RNF169: variants seen among roughly 807,000 people sequenced by gnomAD.
The protein encoded by RNF169 is ring finger protein 169, also known as E3 ubiquitin-protein ligase RNF169.
RNF169 carries 24 observed loss-of-function variants against 53.9 expected under a neutral mutation model. The ratio of observed to expected loss-of-function variants is 0.45; its 90% confidence interval spans 0.32 to 0.63. RNF169 has a LOEUF of 0.63. RNF169 is among the 20% of genes least tolerant of loss of function. The pLI is 0.04. For missense variants in RNF169, 883 were observed against 906.2 expected, an observed-to-expected ratio of 0.97 and a Z score of 0.33; for synonymous variants, 396 against 363.5, an observed-to-expected ratio of 1.09 and a Z score of -1.02.
At chr11:74,749,468 G>GC in intron 1 of RNF169, 86 bp downstream of exon 1, 1 of 1,090,842 alleles carries the variant, frequency 9.2e-7, no homozygotes, top group Non-Finnish European at 1.1e-6. Flanking sequence ...AGAGTCCCGG[G>GC]CCCTACTCGG....
chr11:74,754,139 C>T (rs898123529), intron 1 of RNF169, among the ~76,000 whole-genome samples: 2 of 152,152 alleles, frequency 1.3e-5, no homozygotes, highest in Non-Finnish European at 2.9e-5. Flanking sequence ...CTTTGGGAAA[C>T]ATTAGTGAAT....
At chr11:74,831,632 GACAA>G (rs1195018538) in intron 4 of RNF169, 7 of 147,622 alleles carry the variant, frequency 4.7e-5, no homozygotes, top group Non-Finnish European at 1.0e-4. Flanking sequence ...TGCAGAAATG[GACAA>G]ACATACCAAA....
intron 1 of RNF169, among the ~76,000 whole-genome samples, chr11:74,783,027 CAT>C (rs34895688): frequency 0.25 from 38,050 of 151,328 alleles, 5,677 homozygotes; most frequent in East Asian, 0.53. Flanking sequence ...CTGCTGCACT[CAT>C]AGAAAATGAA....
rs1242506274 is a variant in RNF169, at chr11:74,838,617, C to CTGTG, written c.*1894_*1897dup. 6.6e-6 allele frequency: 1 copy of CTGTG among 152,228 alleles called. No homozygotes were observed. The highest frequency in any genetic ancestry group is 2.4e-5 in the African/African-American group (1 of 41,458). 9.4% of individuals were successfully genotyped at this position (152,228 alleles called of 1,614,324 possible). On this transcript the variant is annotated 3_prime_UTR_variant, in exon 6 of 6. Transcript: ENST00000299563. ...CCTGAATGTATGCATTCTGTGTTCT[C>CTGTG]TGTGTGTGTGCACATATGCAGATGT...
In RNF169 at chr11:74,836,267, C is replaced by T. The variant is rs1210346212; in HGVS notation, c.1664C>T (p.Pro555Leu). Reference protein sequence around the residue: ...REQFEGLGSTPDAKLDKTCIS... With the variant: ...REQFEGLGSTLDAKLDKTCIS... ...CAGTTTGAGGGGTTAGGGTCAACTC[C>T]AGATGCCAAGTTAGACAAAACCTGT... is the stretch of plus-strand genomic sequence containing the variant. The change falls in exon 6 of 6, where the codon CCA (proline) becomes CTA (leucine). Residue 555 changes from proline (P) to leucine (L), a missense_variant. Around this residue, in one of 3 missense-constraint regions of RNF169, gnomAD observed 351 missense variants for 337.3 expected, o/e 1.04. Coordinates refer to ENST00000299563, the MANE Select transcript of RNF169 (RefSeq NM_001098638.2). 1 of 1,614,150 alleles carries T rather than the reference C, an allele frequency of 6.2e-7. No homozygotes were observed. Among genetic ancestry groups the T allele is most frequent in the South Asian group, 1.1e-5 (1 of 91,086 alleles).
chr11:74,808,552 C>T (rs1392975513), intron 2 of RNF169, among the ~76,000 whole-genome samples: 2 of 152,194 alleles, frequency 1.3e-5, no homozygotes, highest in East Asian at 1.9e-4. Flanking sequence ...ATTCCATCCC[C>T]ATGCCTATGG....
intron 1 of RNF169, among the ~76,000 whole-genome samples, chr11:74,780,323 A>G (rs540110728): frequency 4.6e-5 from 7 of 152,222 alleles, no homozygotes; most frequent in African/African-American, 1.4e-4. Context: ...CTCTTAATCT[A>G]TGGTGACTAC....
At position 74,749,292 on chromosome 11, in the gene RNF169, C is replaced by A; in HGVS notation, c.412C>A (p.Pro138Thr). The part of the protein sequence containing the change: ...VLGECARRSQ[P>T]ERCRPRRDGG... ...GGGCGAGTGCGCCCGCCGCAGCCAACCCGAGCGCTGCCGCCCGCGCCGGGA... is the reference window on the plus strand; with the variant it reads ...GGGCGAGTGCGCCCGCCGCAGCCAAACCGAGCGCTGCCGCCCGCGCCGGGA... Residue 138 changes from proline (P) to threonine (T), a missense_variant, in exon 1 of 6, where the codon CCC becomes ACC. Pro to Thr is a conservative substitution (Grantham distance 38). Coordinates refer to ENST00000299563, the MANE Select transcript of RNF169 (RefSeq NM_001098638.2). 8.6e-7 allele frequency: 1 copy of A among 1,168,414 alleles called. No homozygotes were observed. Among genetic ancestry groups the A allele is most frequent in the Non-Finnish European group, 1.1e-6 (1 of 948,646 alleles). The allele number at this position is 1,168,414 out of a possible 1,614,324, so 72.4% of individuals were successfully genotyped here. A position where few individuals can be genotyped will look rare whatever the true frequency, so the allele number is the denominator to read the frequency against.
chr11:74,835,005 CAG>C (rs1259237572), intron 5 of RNF169, among the ~76,000 whole-genome samples: 1 of 151,906 alleles, frequency 6.6e-6, no homozygotes, highest in Non-Finnish European at 1.5e-5. Flanking sequence ...TTTTAAGAGA[CAG>C]AGTCTCACTC....
At position 74,766,141 on chromosome 11, in the gene RNF169, A is replaced by G. The variant is rs1046379506; in HGVS notation, c.502+16759A>G. 5.3e-5 allele frequency among the ~76,000 whole-genome samples: 8 copies of G among 152,200 alleles called. 1 individual carries two copies. Among genetic ancestry groups the G allele is most frequent in the Non-Finnish European group, 1.2e-4 (8 of 68,034 alleles). On this transcript the variant is annotated intron_variant, in intron 1 of 5. Transcript: ENST00000299563. The stretch of plus-strand genomic sequence containing the variant: ...AACTTTCTGCCCATGAATTTGAAAA[A>G]TTGGATAAAATAGTTTTGTGGAAAA...
intron 1 of RNF169, among the ~76,000 whole-genome samples, chr11:74,766,957 C>T (rs935984810): frequency 4.6e-5 from 7 of 152,134 alleles, no homozygotes; most frequent in African/African-American, 1.7e-4. Flanking sequence ...AGGAAAAGTA[C>T]AGGCCACTCT....
chr11:74,803,654 C>T (rs1348741380), intron 2 of RNF169, among the ~76,000 whole-genome samples: 1 of 152,130 alleles, frequency 6.6e-6, no homozygotes, highest in Non-Finnish European at 1.5e-5. Context: ...CACCCAGCAC[C>T]TGAGGTTTGT....
intron 4 of RNF169, among the ~76,000 whole-genome samples, chr11:74,822,343 C>G (rs937433995): frequency 6.6e-6 from 1 of 152,036 alleles, no homozygotes. Context: ...ACTGGCTAAC[C>G]CTGCTTTCCT....
chr11:74,820,742 A>G (rs1376948969), intron 4 of RNF169, among the ~76,000 whole-genome samples: 1 of 152,232 alleles, frequency 6.6e-6, no homozygotes, highest in Non-Finnish European at 1.5e-5. Flanking sequence ...AGGAGAAGCA[A>G]TGTGGAGCTT....
intron 1 of RNF169, among the ~76,000 whole-genome samples, chr11:74,758,863 G>A (rs1479181714): frequency 6.6e-6 from 1 of 150,890 alleles, no homozygotes; most frequent in African/African-American, 2.4e-5. Flanking sequence ...TTGGTAGCTT[G>A]ATGGGGATGG....
intron 1 of RNF169, among the ~76,000 whole-genome samples, chr11:74,784,315 A>G (rs2035457423): frequency 6.6e-6 from 1 of 152,190 alleles, no homozygotes; most frequent in African/African-American, 2.4e-5. Context: ...TCAGTTCATG[A>G]CATGTGTTGT....
intron 1 of RNF169, among the ~76,000 whole-genome samples, chr11:74,766,375 A>G (rs111517569): frequency 0.023 from 3,570 of 152,314 alleles, 157 homozygotes; most frequent in African/African-American, 0.081. Context: ...TTCATGGATT[A>G]AAAGATACAA....
At chr11:74,830,726 G>T (rs1006209706) in intron 4 of RNF169, 12 of 152,104 alleles carry the variant, frequency 7.9e-5, no homozygotes, top group African/African-American at 2.9e-4. Context: ...CATAAGAAAA[G>T]TAGAGGCCAA....
At chr11:74,827,408 G>A (rs568440939) in intron 4 of RNF169, among the ~76,000 whole-genome samples, 12 of 152,348 alleles carry the variant, frequency 7.9e-5, no homozygotes, top group Non-Finnish European at 1.6e-4. Context: ...GAAGACTTCT[G>A]ACATGCCGTG....
Sources: allele counts gnomAD v4.1 joint callset (sites outside exome capture counted in the v4.1 genomes callset), GRCh38; gene constraint gnomAD v4.1.1; regional missense constraint gnomAD v4.1.1; transcripts MANE v1.5; gene names NCBI Gene and HGNC (gene_info 2026-07-23, HGNC 2026-07-21).